Variants in GYG1 observed in about 807,000 individuals in gnomAD.
GYG1 encodes glycogenin-1.
A neutral mutation model predicts 41.9 loss-of-function variants in GYG1; 44 were observed. That is an observed-to-expected ratio of 1.05 (90% confidence interval 0.83 to 1.35). GYG1 has a LOEUF of 1.35. Among genes scored for constraint, GYG1 ranks in the 40% most tolerant of loss-of-function variants. GYG1 has a pLI of 0.00. For synonymous variants in GYG1, 141 were observed against 158.1 expected (o/e 0.89, Z 0.81); for missense variants, 429 against 418.9 (o/e 1.02, Z -0.21).
At position 149,015,710 on chromosome 3, in the gene GYG1, G is replaced by A. The variant is rs1183777069; in HGVS notation, c.608+6308G>A. On this transcript the variant is annotated intron_variant, in intron 5 of 7. Coordinates refer to ENST00000345003, the MANE Select transcript of GYG1 (RefSeq NM_004130.4). ...TCCAGGAGACTGAAGGAGGAGAATT[G>A]GAGGCAGTGAATGTAGACAGCTCTT... Among the ~76,000 whole-genome samples, 3 of 152,278 alleles carry A rather than the reference G, an allele frequency of 2.0e-5. No homozygotes were observed. In the Middle Eastern group the frequency reaches 0.01, roughly 518 times the overall value.
At chr3:149,013,032 T>TG (rs61477065) in intron 5 of GYG1, among the ~76,000 whole-genome samples, 5 of 150,942 alleles carry the variant, frequency 3.3e-5, no homozygotes, top group African/African-American at 1.2e-4. Flanking sequence ...TGTGTGTGTG[T>TG]TTTATAGAGA....
In GYG1 at chr3:149,030,422, T is replaced by C. The variant is rs1391228697; in HGVS notation, c.*3489T>C. 6.6e-6 allele frequency: 1 copy of C among 152,152 alleles called. No homozygotes were observed. The highest frequency in any genetic ancestry group is 1.5e-5 in the Non-Finnish European group (1 of 68,014). The allele number at this position is 152,152 out of a possible 1,614,324, so 9.4% of individuals were successfully genotyped here. A position where few individuals can be genotyped will look rare whatever the true frequency, so the allele number is the denominator to read the frequency against. On this transcript the variant is annotated 3_prime_UTR_variant, in exon 8 of 8. Transcript: ENST00000345003. ...TTTTTAAACAACTTGCCAAACTTAC[T>C]TATGAGTGTGTTTTAAAAACAACTT... is the stretch of plus-strand genomic sequence containing the variant.
intron 1 of GYG1, among the ~76,000 whole-genome samples, chr3:148,993,597 C>A (rs1054058062): frequency 5.3e-5 from 8 of 152,046 alleles, no homozygotes; most frequent in African/African-American, 1.9e-4. Context: ...GAGCTATGAT[C>A]ACACCACTCC....
intron 4 of GYG1, among the ~76,000 whole-genome samples, 182 bp downstream of exon 4, chr3:148,997,086 A>G (rs2107888217): frequency 6.9e-6 from 1 of 145,904 alleles, no homozygotes; most frequent in East Asian, 1.9e-4. Flanking sequence ...GTGTGTGTAA[A>G]TGCATCTTTT....
intron 1 of GYG1, among the ~76,000 whole-genome samples, chr3:148,992,036 T>C (rs921758155): frequency 1.3e-5 from 2 of 152,114 alleles, no homozygotes; most frequent in Non-Finnish European, 2.9e-5. Flanking sequence ...CGTGGGGAGC[T>C]GCCCCGGCCT....
In GYG1 at chr3:149,028,447, T is replaced by G. The variant is rs1193980699; in HGVS notation, c.*1514T>G. Among the ~76,000 whole-genome samples, 8 of 152,186 alleles carry G rather than the reference T, an allele frequency of 5.3e-5. No homozygotes were observed. The highest frequency in any genetic ancestry group is 1.9e-4 in the African/African-American group (8 of 41,456). Reference sequence around the variant, plus strand: ...TACAATGAAGCATTTACCAAAGATTTATTTAAGTGCCTCCATGTGTCAGAT... The same window carrying G: ...TACAATGAAGCATTTACCAAAGATTGATTTAAGTGCCTCCATGTGTCAGAT... On this transcript the variant is annotated 3_prime_UTR_variant, in exon 8 of 8. Coordinates refer to ENST00000345003, the MANE Select transcript of GYG1 (RefSeq NM_004130.4).
intron 5 of GYG1, 105 bp downstream of exon 5, chr3:149,009,507 G>A (rs1348106639): frequency 2.7e-6 from 3 of 1,118,868 alleles, no homozygotes; most frequent in Non-Finnish European, 4.1e-6. Flanking sequence ...ATAACAGATA[G>A]ACACTTTGAG....
chr3:149,028,834 C>T lies in GYG1; in HGVS notation c.*1901C>T, dbSNP rs867906948. On this transcript the variant is annotated 3_prime_UTR_variant, in exon 8 of 8. Coordinates refer to ENST00000345003, the MANE Select transcript of GYG1 (RefSeq NM_004130.4). ...CTCCTGGATTCAAGAGATTCTCCTA[C>T]CTCAGCCTCCTGAGTAGCTGGGACT... Among the ~76,000 whole-genome samples the T allele has an allele frequency of 3.3e-5, 5 of 151,556 alleles. No individual in the cohort carries two copies. The highest frequency in any genetic ancestry group is 1.2e-4 in the African/African-American group (5 of 41,248).
intron 4 of GYG1, among the ~76,000 whole-genome samples, chr3:148,999,929 A>C (rs1712999821): frequency 6.6e-6 from 1 of 152,272 alleles, no homozygotes; most frequent in South Asian, 2.1e-4. Context: ...CTCAGTGTGA[A>C]TATCTCGCAG....
rs1422252862 is a variant in GYG1 at position 149,011,863 on chromosome 3, C to T, written c.608+2461C>T. On this transcript the variant is annotated intron_variant, in intron 5 of 7. Coordinates refer to ENST00000345003, the MANE Select transcript of GYG1 (RefSeq NM_004130.4). ...AGTTGGGAACAACTCCGTCCATTAG[C>T]CGGATTTCAGCTGGCCCAGGGCCGG... 3.9e-5 allele frequency among the ~76,000 whole-genome samples: 6 copies of T among 152,140 alleles called. No homozygotes were observed. In the East Asian group the frequency reaches 1.2e-3, roughly 29 times the overall value.
At chr3:148,994,398 TGA>T in intron 2 of GYG1, 121 bp downstream of exon 2, 1 of 1,001,092 alleles carries the variant, frequency 1.0e-6, no homozygotes, top group Non-Finnish European at 1.6e-6. Context: ...TAGAGAAAAA[TGA>T]GAGATGCTGA....
At chr3:149,005,523 T>C (rs1208478350) in intron 4 of GYG1, among the ~76,000 whole-genome samples, 1 of 152,228 alleles carries the variant, frequency 6.6e-6, no homozygotes, top group Non-Finnish European at 1.5e-5. Context: ...GTAGTTAGTA[T>C]TAATATACTA....
At chr3:149,016,716 A>G (rs1303485357) in intron 5 of GYG1, among the ~76,000 whole-genome samples, 1 of 152,152 alleles carries the variant, frequency 6.6e-6, no homozygotes, top group Admixed American at 6.5e-5. Flanking sequence ...GCCCCACCTC[A>G]GCAAGTCCAT....
intron 2 of GYG1, 39 bp downstream of exon 2, chr3:148,994,316 T>C (rs771244228): frequency 6.2e-7 from 1 of 1,607,266 alleles, no homozygotes; most frequent in Non-Finnish European, 8.5e-7. Flanking sequence ...CAAGGGGCTC[T>C]GACATCCTTC....
In GYG1 at chr3:148,996,406, C is replaced by T. The variant is rs267606858; in HGVS notation, c.248C>T (p.Thr83Met). The T allele has an allele frequency of 9.9e-6, 16 of 1,613,458 alleles. No homozygotes were observed. Among genetic ancestry groups the T allele is most frequent in the Admixed American group, 1.7e-5 (1 of 59,994 alleles). The change falls in exon 3 of 8, where the codon ACG becomes ATG. Residue 83 changes from threonine (T) to methionine (M), a missense_variant. Thr to Met is a moderately conservative substitution (Grantham distance 81). Transcript: ENST00000345003. ...ATGAAGAGGCCAGAGTTGGGTGTCA[C>T]GCTGACAAAGCTCCACTGCTGGTCG... ...TLMKRPELGV[T>M]LTKLHCWSLT...
At chr3:149,017,333 T>G (rs544897607) in intron 5 of GYG1, among the ~76,000 whole-genome samples, 50 of 151,926 alleles carry the variant, frequency 3.3e-4, no homozygotes, top group Non-Finnish European at 6.0e-4. Flanking sequence ...CTGAGACAAA[T>G]CCCCATTACT....
At chr3:149,024,739 A>T (rs1369203413) in intron 6 of GYG1, among the ~76,000 whole-genome samples, 1 of 152,172 alleles carries the variant, frequency 6.6e-6, no homozygotes, top group African/African-American at 2.4e-5. Context: ...TTTATTTCCT[A>T]TGTTTGTACT....
rs574470866 is a variant in GYG1 at position 149,005,179 on chromosome 3, A to AT, written c.482-4087dup. 2.7e-4 allele frequency among the ~76,000 whole-genome samples: 41 copies of AT among 149,708 alleles called. No individual in the cohort carries two copies. In the East Asian group the frequency reaches 3.9e-3, roughly 14 times the overall value. On this transcript the variant is annotated intron_variant, in intron 4 of 7. Coordinates refer to ENST00000345003, the MANE Select transcript of GYG1 (RefSeq NM_004130.4). The stretch of plus-strand genomic sequence containing the variant: ...AATATCCTTTATAACCTACACATAT[A>AT]TTTTTTTTTTGGTAGTATACTTCAT...
rs1712486250 is a variant in GYG1 at position 148,991,762 on chromosome 3, C to G, written c.7+115C>G. 45 of 858,308 alleles carry G rather than the reference C, an allele frequency of 5.2e-5. No homozygotes were observed. In the South Asian group the frequency reaches 7.3e-4, roughly 14 times the overall value. The allele number at this position is 858,308 out of a possible 1,614,324, so 53.2% of individuals were successfully genotyped here. ...AGTGTTCCCGGCAGGACGAAACCGCCGCAAAGTTGCTGGCTGGCCGCAGCC... is the reference window on the plus strand; with the variant it reads ...AGTGTTCCCGGCAGGACGAAACCGCGGCAAAGTTGCTGGCTGGCCGCAGCC... On this transcript the variant is annotated intron_variant, in intron 1 of 7. Coordinates refer to ENST00000345003, the MANE Select transcript of GYG1 (RefSeq NM_004130.4).
Sources: allele counts gnomAD v4.1 joint callset (sites outside exome capture counted in the v4.1 genomes callset), GRCh38; gene constraint gnomAD v4.1.1; transcripts MANE v1.5; gene names NCBI Gene and HGNC (gene_info 2026-07-23, HGNC 2026-07-21).